Variants in MYH11 observed in about 807,000 individuals in gnomAD.
MYH11 encodes myosin-11.
In MYH11, 80 loss-of-function variants were observed where a neutral mutation model predicts 246.6. That is an observed-to-expected ratio of 0.32 (90% CI 0.27 to 0.39). MYH11 has a LOEUF of 0.39. Ranked by LOEUF, MYH11 falls within the 10% of genes least tolerant of loss-of-function variation. The pLI, the probability that MYH11 is intolerant of heterozygous loss-of-function variation, is 1.00. For synonymous variants in MYH11, 1,071 were observed against 1,015.5 expected (o/e 1.05, Z -1.04); for missense variants, 2,158 against 2,546.8 (o/e 0.85, Z 3.29).
chr16:15,810,675 C>T (rs988773803), intron 3 of MYH11, among the ~76,000 whole-genome samples: 7 of 152,228 alleles, frequency 4.6e-5, no homozygotes, highest in Non-Finnish European at 1.0e-4. Context: ...CTGGGAATTA[C>T]TTCTTGGCTC....
At chr16:15,816,411 T>TG (rs145644575) in intron 3 of MYH11, among the ~76,000 whole-genome samples, 17,075 of 151,294 alleles carry the variant, frequency 0.11, 1,065 homozygotes, top group East Asian at 0.15. Flanking sequence ...AAAACAAGAT[T>TG]GGGGAAAAAA....
intron 2 of MYH11, among the ~76,000 whole-genome samples, chr16:15,833,413 G>GAGGAAGGA (rs1567208270): frequency 6.8e-6 from 1 of 146,852 alleles, no homozygotes; most frequent in South Asian, 2.2e-4. Flanking sequence ...GGAAGGAAGG[G>GAGGAAGGA]AGGAACGAAC....
Position 15,759,569 on chromosome 16 carries a change from G to C in MYH11, c.1401+7C>G. 1 of 1,614,120 alleles carries C rather than the reference G, an allele frequency of 6.2e-7. No individual in the cohort carries two copies. ...ACCATGGCTCTTAGGATCCCACCGA[G>C]CTGTACCTCAAAGATCTCAAATCCA... On this transcript the variant is annotated splice_region_variant and intron_variant, in intron 12 of 40. Transcript: ENST00000300036.
At chr16:15,834,480 C>T (rs188639077) in intron 2 of MYH11, among the ~76,000 whole-genome samples, 1 of 151,056 alleles carries the variant, frequency 6.6e-6, no homozygotes. Context: ...GAGCCAAGAT[C>T]GCTCCACTTC....
chr16:15,778,273 G>T (rs1324873810), intron 7 of MYH11, among the ~76,000 whole-genome samples: 1 of 152,154 alleles, frequency 6.6e-6, no homozygotes, highest in East Asian at 1.9e-4. Context: ...CTAAGAAGTG[G>T]AGCCGATCAC....
At position 15,738,284 on chromosome 16, in the gene MYH11, C is replaced by G. The variant is rs62029314; in HGVS notation, c.3121+281G>C. Among the ~76,000 whole-genome samples the G allele has an allele frequency of 0.32, 47,846 of 151,708 alleles. 8,458 individuals carry two copies. The highest frequency in any genetic ancestry group is 0.57 in the East Asian group (2,901 of 5,094). On this transcript the variant is annotated intron_variant, in intron 24 of 40. Transcript: ENST00000300036. ...ACTTTGGGAGGCCAAGGTGGGAGGA[C>G]TGCTTGGGCCCAGGAGTTTGAGACT...
Position 15,725,974 on chromosome 16 carries a change from C to T in MYH11, c.3858+874G>A, listed in dbSNP as rs73519694. ...GTACTATCTCCCCCTACCCCCAACC[C>T]CAGCTGGGCACTCCAGCTCTACTGG... is the stretch of plus-strand genomic sequence containing the variant. On this transcript the variant is annotated intron_variant, in intron 28 of 40. Coordinates refer to ENST00000300036, the MANE Select transcript of MYH11 (RefSeq NM_002474.3). The T allele has an allele frequency of 0.033, 11,077 of 335,108 alleles. 1,140 individuals are homozygous for T. Among genetic ancestry groups the T allele is most frequent in the African/African-American group, 0.21 (10,066 of 47,102 alleles). The allele number at this position is 335,108 out of a possible 1,614,324, so 20.8% of individuals were successfully genotyped here. A position where few individuals can be genotyped will look rare whatever the true frequency, so the allele number is the denominator to read the frequency against.
chr16:15,822,426 C>A (rs896044522), intron 3 of MYH11, among the ~76,000 whole-genome samples: 2 of 152,112 alleles, frequency 1.3e-5, no homozygotes, highest in Non-Finnish European at 2.9e-5. Flanking sequence ...TGCCTATAAT[C>A]CCAGAACTTT....
chr16:15,707,373 G>A (rs917358044), intron 40 of MYH11, among the ~76,000 whole-genome samples: 7 of 152,104 alleles, frequency 4.6e-5, no homozygotes, highest in South Asian at 2.1e-4. Context: ...CCAAGGCCTC[G>A]GGAATCATCT....
At chr16:15,760,105 A>AAAAC (rs150577065) in intron 11 of MYH11, among the ~76,000 whole-genome samples, 1 of 151,810 alleles carries the variant, frequency 6.6e-6, no homozygotes, top group African/African-American at 2.4e-5. Flanking sequence ...TCAAAAACAA[A>AAAAC]AAACAAACAA....
chr16:15,825,411 G>A (rs1159146208), intron 2 of MYH11, among the ~76,000 whole-genome samples: 4 of 145,270 alleles, frequency 2.8e-5, no homozygotes, highest in African/African-American at 1.0e-4. Context: ...AAAAAAAATA[G>A]CTGGCCATGG....
intron 5 of MYH11, chr16:15,784,971 C>G (rs985479808): frequency 1.2e-5 from 5 of 420,842 alleles, no homozygotes; most frequent in African/African-American, 1.1e-4. Flanking sequence ...GTAGCTAAGA[C>G]TACAGGCATG....
chr16:15,703,523 T>C lies in MYH11; in HGVS notation c.*468A>G. On this transcript the variant is annotated 3_prime_UTR_variant, in exon 41 of 41. Coordinates refer to ENST00000300036, the MANE Select transcript of MYH11 (RefSeq NM_002474.3). ...CTGGAGGATGTGTCTGTGTTTCCTG[T>C]TGGGTTTTTCTCATCTCTTACATCA... is the stretch of plus-strand genomic sequence containing the variant. 3.4e-6 allele frequency: 1 copy of C among 294,998 alleles called. No homozygotes were observed. The highest frequency in any genetic ancestry group is 6.5e-6 in the Non-Finnish European group (1 of 154,322). 18.3% of individuals were successfully genotyped at this position (294,998 alleles called of 1,614,324 possible). A position where few individuals can be genotyped will look rare whatever the true frequency, so the allele number is the denominator to read the frequency against.
intron 2 of MYH11, among the ~76,000 whole-genome samples, chr16:15,832,927 G>T (rs1156265985): frequency 7.2e-6 from 1 of 138,798 alleles, no homozygotes; most frequent in African/African-American, 2.6e-5. Flanking sequence ...GCACATCTGA[G>T]CTTCAGCAAC....
intron 27 of MYH11, among the ~76,000 whole-genome samples, chr16:15,730,701 A>G (rs1226863372): frequency 6.6e-6 from 1 of 152,132 alleles, no homozygotes; most frequent in Non-Finnish European, 1.5e-5. Context: ...ACTGAAGGGG[A>G]TGTGGAGGAG....
chr16:15,841,467 GA>G (rs1255332621), intron 1 of MYH11, among the ~76,000 whole-genome samples: 1 of 152,088 alleles, frequency 6.6e-6, no homozygotes, highest in Non-Finnish European at 1.5e-5. Flanking sequence ...AATGGGTACA[GA>G]AAGTGGGGTG....
chr16:15,733,499 C>G (rs981296629), intron 26 of MYH11, among the ~76,000 whole-genome samples: 6 of 151,844 alleles, frequency 4.0e-5, no homozygotes, highest in African/African-American at 1.5e-4. Context: ...TCCCAAAGTG[C>G]TGGGATTACA....
At chr16:15,749,891 G>T in intron 16 of MYH11, 1 of 602,590 alleles carries the variant, frequency 1.7e-6, no homozygotes, top group South Asian at 2.0e-5. Context: ...TACTTCCTGG[G>T]ATAATGAATG....
intron 26 of MYH11, 111 bp downstream of exon 26, chr16:15,735,255 G>C (rs2041081644): frequency 3.4e-6 from 4 of 1,183,502 alleles, no homozygotes; most frequent in Non-Finnish European, 5.0e-6. Context: ...CGGCCAGGAA[G>C]GTAAATGCAC....
Sources: allele counts gnomAD v4.1 joint callset (sites outside exome capture counted in the v4.1 genomes callset), GRCh38; gene constraint gnomAD v4.1.1; transcripts MANE v1.5; gene names NCBI Gene and HGNC (gene_info 2026-07-23, HGNC 2026-07-21).